Variants in KIFAP3 observed in about 807,000 individuals in gnomAD.
The protein encoded by KIFAP3 is kinesin associated protein 3.
A neutral mutation model predicts 106.5 loss-of-function variants in KIFAP3; 68 were observed. The observed-to-expected ratio is 0.64, with a 90% confidence interval of 0.53 to 0.78. KIFAP3 has a LOEUF of 0.78. Ranked by LOEUF, KIFAP3 falls within the 30% of genes least tolerant of loss-of-function variation. KIFAP3 has a pLI of 0.00. For synonymous variants in KIFAP3, 320 were observed against 311.5 expected (o/e 1.03, Z -0.29); for missense variants, 780 against 941.8 (o/e 0.83, Z 2.25).
In KIFAP3 at chr1:169,927,524, G is replaced by C. The variant is rs151254558; in HGVS notation, c.2274-5743C>G. Among the ~76,000 whole-genome samples, 318 of 152,268 alleles carry C rather than the reference G, an allele frequency of 2.1e-3. 2 individuals carry two copies. Among genetic ancestry groups the C allele is most frequent in the Non-Finnish European group, 3.1e-3 (210 of 68,012 alleles). On this transcript the variant is annotated intron_variant, in intron 19 of 19. Transcript: ENST00000361580. ...CATCTGTTACCTCCTGACATATTTTGTTATTGTATTTCTTTCCCATTAGAA... is the reference window on the plus strand; with the variant it reads ...CATCTGTTACCTCCTGACATATTTTCTTATTGTATTTCTTTCCCATTAGAA...
At position 169,992,143 on chromosome 1, in the gene KIFAP3, T is replaced by A; in HGVS notation, c.1284+12A>T. On this transcript the variant is annotated intron_variant, in intron 11 of 19. Transcript: ENST00000361580. ...TGTTAAATGTTTTTCATAAAACACT[T>A]AAACCACTTACCTGTGGTATACAGT... The A allele has an allele frequency of 7.4e-7, 1 of 1,348,620 alleles. No homozygotes were observed. The highest frequency in any genetic ancestry group is 1.0e-6 in the Non-Finnish European group (1 of 1,001,810). 83.5% of individuals were successfully genotyped at this position (1,348,620 alleles called of 1,614,324 possible). A position where few individuals can be genotyped will look rare whatever the true frequency, so the allele number is the denominator to read the frequency against.
chr1:170,067,743 G>A (rs557665689), intron 1 of KIFAP3: 110 of 152,358 alleles, frequency 7.2e-4, no homozygotes, highest in African/African-American at 2.6e-3. Context: ...TGAAATCAGT[G>A]AAAGCCAAGC....
chr1:170,040,096 C>G (rs750653551), intron 3 of KIFAP3, among the ~76,000 whole-genome samples: 12 of 152,050 alleles, frequency 7.9e-5, no homozygotes, highest in Non-Finnish European at 1.6e-4. Flanking sequence ...GAGGACAGCA[C>G]CCATTCTGTA....
Position 169,984,699 on chromosome 1 carries a change from A to C in KIFAP3, c.1285-9T>G. 1 of 1,475,110 alleles carries C rather than the reference A, an allele frequency of 6.8e-7. No individual in the cohort carries two copies. The highest frequency in any genetic ancestry group is 9.4e-7 in the Non-Finnish European group (1 of 1,058,630). The allele number at this position is 1,475,110 out of a possible 1,614,324, so 91.4% of individuals were successfully genotyped here. On this transcript the variant is annotated splice_polypyrimidine_tract_variant and intron_variant, in intron 11 of 19. Coordinates refer to ENST00000361580, the MANE Select transcript of KIFAP3 (RefSeq NM_014970.4). ...AACAGCATCTTCATTAACTAGCAAG[A>C]AGCACAGGGCACATTTTACTCAAGA...
chr1:169,999,380 T>C (rs1667548476), intron 10 of KIFAP3, among the ~76,000 whole-genome samples: 2 of 152,140 alleles, frequency 1.3e-5, no homozygotes, highest in African/African-American at 4.8e-5. Flanking sequence ...CTTTAAGACA[T>C]AAAGACATCA....
chr1:169,940,925 G>C (rs369123626), intron 19 of KIFAP3, among the ~76,000 whole-genome samples: 1 of 38,044 alleles, frequency 2.6e-5, no homozygotes, highest in South Asian at 8.1e-4. Context: ...GTGTGTGTGT[G>C]TGTGTGTGTG....
chr1:169,966,964 T>C (rs1665663842), intron 17 of KIFAP3, among the ~76,000 whole-genome samples: 2 of 151,836 alleles, frequency 1.3e-5, no homozygotes, highest in Admixed American at 1.3e-4. Context: ...TGAAATAGCA[T>C]TGTTTTGCTG....
chr1:169,933,970 C>T (rs1037339963), intron 19 of KIFAP3, among the ~76,000 whole-genome samples: 2 of 152,030 alleles, frequency 1.3e-5, no homozygotes, highest in Non-Finnish European at 2.9e-5. Context: ...AGAATAATGG[C>T]TATATCTTTT....
In KIFAP3 at chr1:170,016,436, C is replaced by G. The variant is rs2102001079; in HGVS notation, c.1183+26G>C. 1.9e-6 allele frequency: 3 copies of G among 1,570,116 alleles called. No homozygotes were observed. The East Asian group carries it at 7.1e-5, about 37-fold the overall frequency. On this transcript the variant is annotated intron_variant, in intron 10 of 19. Coordinates refer to ENST00000361580, the MANE Select transcript of KIFAP3 (RefSeq NM_014970.4). ...GCGATGTTGGAAATTCCAGACAACA[C>G]TGTCATTAATTTCTAAAAAGCATAC...
In KIFAP3 at chr1:169,961,184, G is replaced by A. The variant is rs758727439; in HGVS notation, c.2035C>T (p.His679Tyr). The A allele has an allele frequency of 3.1e-6, 5 of 1,613,254 alleles. No individual in the cohort carries two copies. The South Asian group carries it at 4.4e-5, about 14-fold the overall frequency. ...ACCATCTCCAGCCACTGAGAGTTAT[G>A]CCAGCGAAACTTTTCACTCTGAATT... ...KKIQSEKFRW[H>Y]NSQWLEMVES... Residue 679 changes from histidine to tyrosine, a missense_variant, in exon 18 of 20, where the codon CAT becomes TAT. Physicochemically the swap from His to Tyr is moderately conservative, Grantham distance 83 (BLOSUM62 2). Around this residue, in one of 3 missense-constraint regions of KIFAP3, gnomAD observed 78 missense variants for 140.6 expected, o/e 0.55. Coordinates refer to ENST00000361580, the MANE Select transcript of KIFAP3 (RefSeq NM_014970.4).
intron 8 of KIFAP3, among the ~76,000 whole-genome samples, chr1:170,029,408 G>C (rs1669282447): frequency 6.6e-6 from 1 of 151,884 alleles, no homozygotes; most frequent in South Asian, 2.1e-4. Flanking sequence ...AATAACCCAA[G>C]GGCCAAAAAA....
Position 170,026,139 on chromosome 1 carries a change from C to A in KIFAP3, c.842-1543G>T, listed in dbSNP as rs116410788. ...AAGCACCAAGAATTGCTGGGACCCA[C>A]CAAAAGCTAGAAAGAGACGAGAGAA... On this transcript the variant is annotated intron_variant, in intron 8 of 19. Transcript: ENST00000361580. Among the ~76,000 whole-genome samples the A allele has an allele frequency of 7.2e-3, 1,100 of 152,214 alleles. 18 individuals are homozygous for A. The highest frequency in any genetic ancestry group is 0.024 in the African/African-American group (1,003 of 41,546).
In KIFAP3 at chr1:170,034,420, T is replaced by G; in HGVS notation, c.694A>C (p.Lys232Gln). Residue 232 changes from lysine to glutamine, a missense_variant, in exon 7 of 20, where the codon AAA becomes CAA. Coordinates refer to ENST00000361580, the MANE Select transcript of KIFAP3 (RefSeq NM_014970.4). ...TCTTCTTGCCAAAGCTCATGTCTTT[T>G]TAACTCATGATCAATAATATTCATA... Reference protein sequence around the residue: ...LCMNIIDHELKRHELWQEELS... With the variant: ...LCMNIIDHELQRHELWQEELS... The G allele has an allele frequency of 6.2e-7, 1 of 1,605,252 alleles. No individual in the cohort carries two copies. The highest frequency in any genetic ancestry group is 8.5e-7 in the Non-Finnish European group (1 of 1,175,034).
chr1:169,997,881 AAG>A (rs1356479788), intron 10 of KIFAP3, among the ~76,000 whole-genome samples: 89 of 20,276 alleles, frequency 4.4e-3, no homozygotes, highest in Middle Eastern at 0.031. Context: ...AAAAAAAAAA[AAG>A]AAAAAAAAAA....
chr1:170,064,687 C>T (rs1251474175), intron 1 of KIFAP3, among the ~76,000 whole-genome samples: 1 of 152,148 alleles, frequency 6.6e-6, no homozygotes, highest in Non-Finnish European at 1.5e-5. Context: ...TATCATAATT[C>T]CCTTTTATTT....
intron 8 of KIFAP3, 175 bp from the exon 9 acceptor site, chr1:170,024,771 G>T: frequency 2.4e-6 from 1 of 422,432 alleles, no homozygotes; most frequent in Non-Finnish European, 4.2e-6. Flanking sequence ...TTACTGAATG[G>T]GATATGTGTT....
chr1:169,984,596 T>C lies in KIFAP3; in HGVS notation c.1379A>G (p.Gln460Arg), dbSNP rs1255715483. The C allele has an allele frequency of 3.8e-6, 6 of 1,593,752 alleles. No homozygotes were observed. Among genetic ancestry groups the C allele is most frequent in the Non-Finnish European group, 5.2e-6 (6 of 1,163,704 alleles). ...INLAANKRNV[Q>R]LICEGNGLKM... The stretch of plus-strand genomic sequence containing the variant: ...AAGGCACTGACCTTCACAGATAAGC[T>C]GTACATTTCTTTTGTTAGCAGCAAG... Residue 460 changes from glutamine (Q) to arginine (R), a missense_variant, in exon 12 of 20, where the codon CAG (glutamine) becomes CGG (arginine). Around this residue, in one of 3 missense-constraint regions of KIFAP3, gnomAD observed 588 missense variants for 678.9 expected, o/e 0.87. Transcript: ENST00000361580.
At chr1:170,001,431 G>A (rs1237759786) in intron 10 of KIFAP3, among the ~76,000 whole-genome samples, 3 of 152,092 alleles carry the variant, frequency 2.0e-5, no homozygotes, top group East Asian at 3.8e-4. Flanking sequence ...AAAACAGGAG[G>A]AAGCATAAAT....
intron 1 of KIFAP3, chr1:170,067,785 A>G (rs1671518777): frequency 6.6e-6 from 1 of 152,296 alleles, no homozygotes; most frequent in Admixed American, 6.5e-5. Context: ...GATAAATAGT[A>G]ATAGCTGGGT....
Sources: gnomAD v4.1 joint callset for allele counts (sites outside exome capture counted in the v4.1 genomes callset) on GRCh38, gnomAD v4.1.1 for gene constraint, gnomAD v4.1.1 regional missense constraint, MANE v1.5 for transcripts, NCBI Gene and HGNC (gene_info 2026-07-23, HGNC 2026-07-21) for gene names.